Variants in CORO1B observed in about 807,000 individuals in gnomAD.
CORO1B encodes the protein coronin-1B.
CORO1B carries 30 observed loss-of-function variants against 51.1 expected under a neutral mutation model. The ratio of observed to expected loss-of-function variants is 0.59; its 90% CI spans 0.44 to 0.80. The LOEUF (loss-of-function observed/expected upper bound fraction) is 0.80. CORO1B is among the 30% of genes least tolerant of loss of function. The pLI, the probability that CORO1B is intolerant of heterozygous loss-of-function variation, is 0.00. For synonymous variants in CORO1B, 310 were observed against 289.7 expected, an observed-to-expected ratio of 1.07 and a Z score of -0.71; for missense variants, 648 against 700.4, an observed-to-expected ratio of 0.93 and a Z score of 0.84.
In CORO1B at chr11:67,438,450, G is replaced by A; in HGVS notation, c.1396C>T (p.Leu466=). ...ATGCGGTCGCCCTGCTCCTTGACCAGCGCCCTCAGGGCCCGCAGCTCCTGC... is the reference window on the plus strand; with the variant it reads ...ATGCGGTCGCCCTGCTCCTTGACCAACGCCCTCAGGGCCCGCAGCTCCTGC... ...VMQELRALRA[L]VKEQGDRICR... Residue 466 remains leucine, a synonymous_variant, in exon 11 of 11, where the codon CTG becomes TTG. Coordinates refer to ENST00000341356, the MANE Select transcript of CORO1B (RefSeq NM_020441.3). 1 of 1,611,352 alleles carries A rather than the reference G, an allele frequency of 6.2e-7. No homozygotes were observed. The highest frequency in any genetic ancestry group is 8.5e-7 in the Non-Finnish European group (1 of 1,178,820).
intron 3 of CORO1B, 32 bp from the exon 4 acceptor site, chr11:67,441,894 C>A: frequency 6.2e-7 from 1 of 1,613,186 alleles, no homozygotes; most frequent in Non-Finnish European, 8.5e-7. Flanking sequence ...CGAGCTCAGT[C>A]CTCTGCTGGT....
At position 67,435,936 on chromosome 11, in the gene CORO1B, G is replaced by T. The variant is rs1864262228; in HGVS notation, c.*2440C>A. On this transcript the variant is annotated 3_prime_UTR_variant, in exon 11 of 11. Transcript: ENST00000341356. ...TCAGCCCGCACGGGGACCTGCTCTG[G>T]GCTGGACGCCTCTCCACATTGCTGC... The T allele has an allele frequency of 1.5e-5, 24 of 1,613,290 alleles. No homozygotes were observed. The highest frequency in any genetic ancestry group is 1.9e-5 in the Non-Finnish European group (23 of 1,179,890).
chr11:67,441,804 A>G lies in CORO1B; in HGVS notation c.383T>C (p.Leu128Pro). 1 of 1,613,004 alleles carries G rather than the reference A, an allele frequency of 6.2e-7. No homozygotes were observed. The highest frequency in any genetic ancestry group is 8.5e-7 in the Non-Finnish European group (1 of 1,179,932). Residue 128 changes from leucine to proline, a missense_variant, in exon 4 of 11, where the codon CTG (leucine) becomes CCG (proline). Physicochemically the swap from Leu to Pro is moderately conservative, Grantham distance 98 (BLOSUM62 -3). Coordinates refer to ENST00000341356, the MANE Select transcript of CORO1B (RefSeq NM_020441.3). Reference sequence around the variant, plus strand: ...GCCCACTCGCTTGGTGTGCCCCTCCAGTACCACCACCGGCTCTGTCAGCGG... The same window carrying G: ...GCCCACTCGCTTGGTGTGCCCCTCCGGTACCACCACCGGCTCTGTCAGCGG... The part of the protein sequence containing the change: ...TSPLTEPVVV[L>P]EGHTKRVGII...
Position 67,437,717 on chromosome 11 carries a change from A to C in CORO1B, c.*659T>G. The C allele has an allele frequency of 7.8e-7, 1 of 1,284,144 alleles. No homozygotes were observed. Among genetic ancestry groups the C allele is most frequent in the Non-Finnish European group, 1.0e-6 (1 of 994,824 alleles). 79.5% of individuals were successfully genotyped at this position (1,284,144 alleles called of 1,614,324 possible). A position where few individuals can be genotyped will look rare whatever the true frequency, so the allele number is the denominator to read the frequency against. ...GCTCGTCTGCAGTGAAGGGTGGCCC[A>C]GGCTTCCGCTTCCTGCCCACATACC... On this transcript the variant is annotated 3_prime_UTR_variant, in exon 11 of 11. Coordinates refer to ENST00000341356, the MANE Select transcript of CORO1B (RefSeq NM_020441.3).
Position 67,443,442 on chromosome 11 carries a change from T to TCGGGCGGCTC in CORO1B, c.-51_-42dup. The TCGGGCGGCTC allele has an allele frequency of 2.0e-6, 2 of 986,100 alleles. No homozygotes were observed. The highest frequency in any genetic ancestry group is 4.7e-5 in the South Asian group (1 of 21,328). 61.1% of individuals were successfully genotyped at this position (986,100 alleles called of 1,614,324 possible). On this transcript the variant is annotated 5_prime_UTR_variant, in exon 1 of 11. Transcript: ENST00000341356. ...GGCGCAGGGGGCTGCGGCACCGGCTTCGGGCGGCTCCGGATCCCGGCCTCT... is the reference window on the plus strand; with the variant it reads ...GGCGCAGGGGGCTGCGGCACCGGCTTCGGGCGGCTCCGGGCGGCTCCGGATCCCGGCCTCT...
In CORO1B at chr11:67,441,404, T is replaced by C. The variant is rs1333959962; in HGVS notation, c.565A>G (p.Ser189Gly). The C allele has an allele frequency of 6.2e-7, 1 of 1,613,790 alleles. No individual in the cohort carries two copies. The highest frequency in any genetic ancestry group is 8.5e-7 in the Non-Finnish European group (1 of 1,180,040). ...IYNVSWNHNG[S>G]LFCSACKDKS... ...TCCTTGCATGCTGAGCAAAACAGGC[T>C]GCCATTGTGGTTCCAGCTGACATTG... Residue 189 changes from serine (S) to glycine (G), a missense_variant, in exon 5 of 11, where the codon AGC becomes GGC. Physicochemically the swap from Ser to Gly is moderately conservative, Grantham distance 56. Coordinates refer to ENST00000341356, the MANE Select transcript of CORO1B (RefSeq NM_020441.3).
In CORO1B at chr11:67,440,318, G is replaced by A. The variant is rs765591791; in HGVS notation, c.861+17C>T. 6.8e-6 allele frequency: 11 copies of A among 1,613,146 alleles called. No homozygotes were observed. The South Asian group carries it at 1.2e-4, about 18-fold the overall frequency. The stretch of plus-strand genomic sequence containing the variant: ...CACGCCTCTTCCCTGCCCCTCGCCA[G>A]CCCTGCCCAGCCCCACCTTGCCGCA... On this transcript the variant is annotated intron_variant, in intron 7 of 10. Coordinates refer to ENST00000341356, the MANE Select transcript of CORO1B (RefSeq NM_020441.3).
chr11:67,438,594 C>T (rs1028986097), intron 10 of CORO1B, 77 bp downstream of exon 10: 91 of 1,536,094 alleles, frequency 5.9e-5, no homozygotes, highest in African/African-American at 8.2e-5. Flanking sequence ...AGAGGGACAG[C>T]GAATGGCTGA....
rs1473113556 is a variant in CORO1B, at chr11:67,441,163, T to C, written c.718A>G (p.Ser240Gly). The C allele has an allele frequency of 1.2e-6, 2 of 1,613,112 alleles. No homozygotes were observed. Among genetic ancestry groups the C allele is most frequent in the Non-Finnish European group, 1.7e-6 (2 of 1,180,006 alleles). ...GCCAGCTGCCGCTCGCTCATTCGGC[T>C]GAAGCCTGTGGTGAACACCTTGCCA... The part of the protein sequence containing the change: ...ADGKVFTTGF[S>G]RMSERQLALW... Residue 240 changes from serine to glycine, a missense_variant, in exon 6 of 11, where the codon AGC becomes GGC. Physicochemically the swap from Ser to Gly is moderately conservative, Grantham distance 56. Transcript: ENST00000341356.
Position 67,441,859 on chromosome 11 carries a change from A to T in CORO1B, c.328T>A (p.Trp110Arg). The T allele has an allele frequency of 6.2e-7, 1 of 1,613,122 alleles. No individual in the cohort carries two copies. Among genetic ancestry groups the T allele is most frequent in the Non-Finnish European group, 8.5e-7 (1 of 1,179,950 alleles). ...SGSEDCTVMV[W>R]QIPENGLTSP... is the part of the protein sequence containing the mutation. ...GTCAGCCCGTTCTCTGGGATCTGCCACACCTGTGGTAGGGACAGGGCCACC... is the reference window on the plus strand; with the variant it reads ...GTCAGCCCGTTCTCTGGGATCTGCCTCACCTGTGGTAGGGACAGGGCCACC... Residue 110 changes from tryptophan to arginine, a missense_variant, in exon 4 of 11, where the codon TGG (tryptophan) becomes AGG (arginine). Transcript: ENST00000341356.
At chr11:67,442,935 C>A (rs557485761) in intron 1 of CORO1B, among the ~76,000 whole-genome samples, 32 of 152,266 alleles carry the variant, frequency 2.1e-4, no homozygotes, top group African/African-American at 6.5e-4. Flanking sequence ...TGGGAGGTGC[C>A]GGGGTTGGAG....
intron 1 of CORO1B, 30 bp from the exon 2 acceptor site, chr11:67,442,660 G>C (rs775133139): frequency 1.9e-6 from 3 of 1,600,290 alleles, no homozygotes; most frequent in Non-Finnish European, 2.6e-6. Flanking sequence ...GGGTCAGTCC[G>C]GCCCATCCCA....
In CORO1B at chr11:67,441,136, G is replaced by A. The variant is rs1296032592; in HGVS notation, c.745C>T (p.Leu249Phe). Reference sequence around the variant, plus strand: ...GGCTGGCCACTCACTGGGTCCCAGAGCGCCAGCTGCCGCTCGCTCATTCGG... The same window carrying A: ...GGCTGGCCACTCACTGGGTCCCAGAACGCCAGCTGCCGCTCGCTCATTCGG... ...FSRMSERQLA[L>F]WDPENLEEPM... The change falls in exon 6 of 11, where the codon CTC becomes TTC. Residue 249 changes from leucine (L) to phenylalanine (F), a missense_variant. Transcript: ENST00000341356. 1 of 1,613,000 alleles carries A rather than the reference G, an allele frequency of 6.2e-7. No homozygotes were observed. The highest frequency in any genetic ancestry group is 1.1e-5 in the South Asian group (1 of 91,090).
chr11:67,438,461 GC>G lies in CORO1B; in HGVS notation c.1384del (p.Ala462ProfsTer2). The G allele has an allele frequency of 6.2e-7, 1 of 1,610,514 alleles. No individual in the cohort carries two copies. The highest frequency in any genetic ancestry group is 8.5e-7 in the Non-Finnish European group (1 of 1,178,406). ...KLEEVMQELR[A>X]LRALVKEQGD... is the part of the protein sequence containing the mutation. ...CTGCTCCTTGACCAGCGCCCTCAGGGCCCGCAGCTCCTGCATCACCTCCTCC... is the reference window on the plus strand; with the variant it reads ...CTGCTCCTTGACCAGCGCCCTCAGGGCCGCAGCTCCTGCATCACCTCCTCC... On this transcript the variant is annotated frameshift_variant, in exon 11 of 11. Coordinates refer to ENST00000341356, the MANE Select transcript of CORO1B (RefSeq NM_020441.3). LOFTEE classifies it high-confidence loss of function.
At chr11:67,439,869 G>A (rs1243976608) in intron 8 of CORO1B, 26 bp from the exon 9 acceptor site, 1 of 1,559,392 alleles carries the variant, frequency 6.4e-7, no homozygotes, top group Non-Finnish European at 8.7e-7. Flanking sequence ...GGAGCCACGG[G>A]TGGAACCCTC....
chr11:67,435,832 C>T lies in CORO1B; in HGVS notation c.*2544G>A, dbSNP rs1864257812. The T allele has an allele frequency of 6.2e-7, 1 of 1,607,250 alleles. No homozygotes were observed. The highest frequency in any genetic ancestry group is 1.3e-5 in the African/African-American group (1 of 74,864). The stretch of plus-strand genomic sequence containing the variant: ...AGGCGTGCAGGTCACTCAGCAGGGC[C>T]TCAGCACTGCCCCCTGCGCTCGCTG... On this transcript the variant is annotated 3_prime_UTR_variant, in exon 11 of 11. Transcript: ENST00000341356.
chr11:67,438,563 C>T (rs1864334460), intron 10 of CORO1B, 62 bp from the exon 11 acceptor site: 1 of 1,563,164 alleles, frequency 6.4e-7, no homozygotes, highest in Non-Finnish European at 8.7e-7. Flanking sequence ...CATAGCCCTC[C>T]CAAACCCACC....
intron 4 of CORO1B, 29 bp from the exon 5 acceptor site, chr11:67,441,543 C>G (rs763779631): frequency 6.2e-7 from 1 of 1,601,112 alleles, no homozygotes; most frequent in African/African-American, 1.3e-5. Context: ...CAGCTCGGGC[C>G]GGGTGGGTGG....
In CORO1B at chr11:67,438,498, C is replaced by A; in HGVS notation, c.1348G>T (p.Ala450Ser). Residue 450 changes from alanine (A) to serine (S), a missense_variant, in exon 11 of 11, where the codon GCT (alanine) becomes TCT (serine). Transcript: ENST00000341356. ...PSGSLARAGE[A>S]GKLEEVMQEL... is the part of the protein sequence containing the mutation. ...TGCATCACCTCCTCCAGCTTCCCAG[C>A]CTCCTGTGGGGACATGAAGCAGGGG... The A allele has an allele frequency of 6.2e-7, 1 of 1,607,472 alleles. No homozygotes were observed.
Sources: allele counts gnomAD v4.1 joint callset (sites outside exome capture counted in the v4.1 genomes callset), GRCh38; gene constraint gnomAD v4.1.1; transcripts MANE v1.5; gene names NCBI Gene and HGNC (gene_info 2026-07-23, HGNC 2026-07-21).